ADA: variants seen among roughly 807,000 people sequenced by gnomAD.
ADA encodes adenosine deaminase.
ADA carries 45 observed loss-of-function variants against 49.0 expected under a neutral mutation model. That is an observed-to-expected ratio of 0.92 (90% confidence interval 0.72 to 1.18). The LOEUF is 1.18. Ranked by LOEUF, ADA falls within the 50% of genes most tolerant of loss-of-function variation. The pLI is 0.00. For synonymous variants in ADA, 173 were observed against 184.2 expected (o/e 0.94, Z 0.49); for missense variants, 445 against 472.5 (o/e 0.94, Z 0.54).
Position 44,626,597 on chromosome 20 carries a change from C to A in ADA, c.221G>T (p.Gly74Val), listed in dbSNP as rs199422328. 9.3e-6 allele frequency: 15 copies of A among 1,613,940 alleles called. No individual in the cohort carries two copies. The African/African-American group carries it at 2.0e-4, about 22-fold the overall frequency. ...KFDYYMPAIA[G>V]CREAIKRIAY... ...GATCCTTTTGATAGCCTCCCGGCAG[C>A]CCCTGGGAAGGGAAGAAAGGGGTTG... Residue 74 changes from glycine (G) to valine (V), a missense_variant and splice_region_variant, in exon 4 of 12, where the codon GGC becomes GTC. By Grantham distance (109) the Gly-to-Val change is moderately radical. Transcript: ENST00000372874.
At chr20:44,627,685 C>G (rs2065395743) in intron 3 of ADA, among the ~76,000 whole-genome samples, 2 of 152,324 alleles carry the variant, frequency 1.3e-5, no homozygotes, top group Admixed American at 1.3e-4. Context: ...ATGCCTAGGA[C>G]AGAGTAGCCC....
intron 2 of ADA, among the ~76,000 whole-genome samples, chr20:44,631,589 G>A (rs2065433629): frequency 6.6e-6 from 1 of 152,172 alleles, no homozygotes; most frequent in African/African-American, 2.4e-5. Flanking sequence ...ACATTTGCCT[G>A]GGACCTGCTG....
chr20:44,620,967 T>C lies in ADA; in HGVS notation c.975+51A>G, dbSNP rs375383504. Reference sequence around the variant, plus strand: ...CCAGGCCCCGGACTGGACCTGTAGATACCATACTCCCAAACCCGAGTCAAG... The same window carrying C: ...CCAGGCCCCGGACTGGACCTGTAGACACCATACTCCCAAACCCGAGTCAAG... On this transcript the variant is annotated intron_variant, in intron 10 of 11. Transcript: ENST00000372874. 2.9e-4 allele frequency: 473 copies of C among 1,612,168 alleles called. 6 individuals are homozygous for C. The South Asian group carries it at 4.6e-3, about 16-fold the overall frequency.
rs956908942 is a variant in ADA at position 44,651,592 on chromosome 20, C to G, written c.16G>C (p.Ala6Pro). Residue 6 changes from alanine (A) to proline (P), a missense_variant, in exon 1 of 12, where the codon GCC becomes CCC. Transcript: ENST00000372874. MAQTPAFDKPKVELHV... is the reference protein window; with the variant it reads MAQTPPFDKPKVELHV... ...GCGCTCACTTTGGGCTTGTCGAAGGCGGGCGTCTGGGCCATGGTGCCCTCG... is the reference window on the plus strand; with the variant it reads ...GCGCTCACTTTGGGCTTGTCGAAGGGGGGCGTCTGGGCCATGGTGCCCTCG... 1 of 1,540,154 alleles carries G rather than the reference C, an allele frequency of 6.5e-7. No homozygotes were observed.
Position 44,622,819 on chromosome 20 carries a change from G to C in ADA, c.780+10C>G. The C allele has an allele frequency of 6.2e-7, 1 of 1,614,180 alleles. No homozygotes were observed. Among genetic ancestry groups the C allele is most frequent in the Non-Finnish European group, 8.5e-7 (1 of 1,180,024 alleles). On this transcript the variant is annotated intron_variant, in intron 8 of 11. Coordinates refer to ENST00000372874, the MANE Select transcript of ADA (RefSeq NM_000022.4). The stretch of plus-strand genomic sequence containing the variant: ...GGGGATGGTTCCTCCCCACTCCCTG[G>C]CCCGCTTACCTCGAAGTGCATGTTT...
chr20:44,628,449 C>T (rs2065402452), intron 3 of ADA, among the ~76,000 whole-genome samples: 1 of 152,054 alleles, frequency 6.6e-6, no homozygotes, highest in Admixed American at 6.6e-5. Context: ...ATCCCTTAAA[C>T]TGGGAGGTGG....
intron 1 of ADA, among the ~76,000 whole-genome samples, chr20:44,650,855 G>A (rs754603937): frequency 6.6e-5 from 10 of 152,044 alleles, no homozygotes; most frequent in Non-Finnish European, 1.2e-4. Flanking sequence ...CCCTCCTCTC[G>A]GACTCTGCGA....
chr20:44,631,787 T>C (rs2765290), intron 2 of ADA, among the ~76,000 whole-genome samples: 151,838 of 152,282 alleles, frequency 1, 75,699 homozygotes, highest in Middle Eastern at 1. Context: ...TCTATGCCCA[T>C]ACACCACCAC....
chr20:44,636,045 G>A, intron 2 of ADA, 182 bp downstream of exon 2: 1 of 642,166 alleles, frequency 1.6e-6, no homozygotes, highest in Non-Finnish European at 2.8e-6. Context: ...TTGGTCTGCG[G>A]GTCTCCAGCT....
At chr20:44,624,059 G>C in intron 6 of ADA, 143 bp downstream of exon 6, 1 of 1,259,610 alleles carries the variant, frequency 7.9e-7, no homozygotes, top group Non-Finnish European at 1.1e-6. Context: ...GGGGATTCCA[G>C]TTCCAAGCCT....
rs757155433 is a variant in ADA, at chr20:44,622,901, C to T, written c.708G>A (p.Leu236=). 2 of 1,614,220 alleles carry T rather than the reference C, an allele frequency of 1.2e-6. No individual in the cohort carries two copies. Among genetic ancestry groups the T allele is most frequent in the Non-Finnish European group, 1.7e-6 (2 of 1,180,036 alleles). ...CTTCCAGGGTGTGGTAGCCGTGTCCCAGCCGCTCTGTCTTGAGTATGTCCA... is the reference window on the plus strand; with the variant it reads ...CTTCCAGGGTGTGGTAGCCGTGTCCTAGCCGCTCTGTCTTGAGTATGTCCA... ...EAVDILKTER[L]GHGYHTLEDQ... The change falls in exon 8 of 12, where the codon CTG becomes CTA. Residue 236 remains leucine, a synonymous_variant. Transcript: ENST00000372874.
chr20:44,628,969 C>A (rs752511613), intron 3 of ADA, 78 bp downstream of exon 3: 1 of 1,607,264 alleles, frequency 6.2e-7, no homozygotes, highest in Non-Finnish European at 8.5e-7. Context: ...CTCTGGCCCC[C>A]ACAGGCTGAG....
Position 44,623,017 on chromosome 20 carries a change from A to G in ADA, c.668T>C (p.Val223Ala). The G allele has an allele frequency of 6.2e-7, 1 of 1,614,116 alleles. No homozygotes were observed. Among genetic ancestry groups the G allele is most frequent in the South Asian group, 1.1e-5 (1 of 91,078 alleles). ...AGCCCAGGCCCTCACCTCTTTTACT[A>G]CTTCGGCCGAGCCCACCTCCCCGGC... ...VHAGEVGSAE[V>A]VKEAVDILKT... The change falls in exon 7 of 12, where the codon GTA becomes GCA. Residue 223 changes from valine (V) to alanine (A), a missense_variant. By Grantham distance (64) the Val-to-Ala change is moderately conservative. Coordinates refer to ENST00000372874, the MANE Select transcript of ADA (RefSeq NM_000022.4).
chr20:44,642,752 G>A (rs892103547), intron 1 of ADA, among the ~76,000 whole-genome samples: 1 of 152,164 alleles, frequency 6.6e-6, no homozygotes, highest in African/African-American at 2.4e-5. Flanking sequence ...CAGCTACTGC[G>A]GGAGGGAAGA....
At chr20:44,626,639 A>G (rs2065385548) in intron 3 of ADA, 40 bp from the exon 4 acceptor site, 1 of 1,612,268 alleles carries the variant, frequency 6.2e-7, no homozygotes, top group Non-Finnish European at 8.5e-7. Context: ...ACCTTCCCCA[A>G]GTCCCTTGGG....
At chr20:44,637,656 T>G (rs1754230736) in intron 1 of ADA, among the ~76,000 whole-genome samples, 2 of 152,160 alleles carry the variant, frequency 1.3e-5, no homozygotes, top group South Asian at 4.1e-4. Flanking sequence ...CAAGGGCGTC[T>G]AGGAGCACAT....
chr20:44,623,198 G>T, intron 6 of ADA, 120 bp from the exon 7 acceptor site: 1 of 1,445,222 alleles, frequency 6.9e-7, no homozygotes. Context: ...ACAGCATGGG[G>T]AAACCTGGTC....
At chr20:44,621,550 C>T (rs938496326) in intron 9 of ADA, among the ~76,000 whole-genome samples, 2 of 152,188 alleles carry the variant, frequency 1.3e-5, no homozygotes, top group Admixed American at 6.5e-5. Context: ...TCCAACATAC[C>T]ATGGAAGCTG....
chr20:44,636,136 C>A (rs1477714288), intron 2 of ADA, 91 bp downstream of exon 2: 33 of 1,196,756 alleles, frequency 2.8e-5, no homozygotes, highest in Non-Finnish European at 3.9e-5. Context: ...CAGGAAGGAA[C>A]AGTGACCCTG....
Sources: allele counts gnomAD v4.1 joint callset (sites outside exome capture counted in the v4.1 genomes callset), GRCh38; gene constraint gnomAD v4.1.1; transcripts MANE v1.5; gene names NCBI Gene and HGNC (gene_info 2026-07-23, HGNC 2026-07-21).